Variants in COL19A1 observed in about 807,000 individuals in gnomAD.
COL19A1 encodes collagen alpha-1(XIX) chain.
In COL19A1, 159 loss-of-function variants were observed where a neutral mutation model predicts 190.2. The ratio of observed to expected loss-of-function variants is 0.84; its 90% CI spans 0.73 to 0.95. The LOEUF is 0.95. COL19A1 is among the 40% of genes least tolerant of loss of function. COL19A1 has a pLI of 0.00. For synonymous variants in COL19A1, 509 were observed against 458.9 expected (o/e 1.11, Z -1.39); for missense variants, 1,418 against 1,431.9 (o/e 0.99, Z 0.16).
chr6:69,995,350 TA>T (rs1282281585), intron 11 of COL19A1, among the ~76,000 whole-genome samples: 4 of 152,208 alleles, frequency 2.6e-5, no homozygotes, highest in Non-Finnish European at 4.4e-5. Flanking sequence ...GATCACTATC[TA>T]ATAGTATATT....
At chr6:69,934,298 A>C (rs1772964815) in intron 7 of COL19A1, among the ~76,000 whole-genome samples, 1 of 152,004 alleles carries the variant, frequency 6.6e-6, no homozygotes, top group Non-Finnish European at 1.5e-5. Flanking sequence ...GCCAATCTAC[A>C]GACTTGAAAT....
intron 9 of COL19A1, among the ~76,000 whole-genome samples, chr6:69,950,675 CA>C (rs1399357334): frequency 4.1e-5 from 1 of 24,666 alleles, no homozygotes; most frequent in Non-Finnish European, 6.6e-5. Flanking sequence ...TGAATGCAGC[CA>C]CACACACACA....
chr6:70,181,656 A>AACACAC (rs56362588), intron 44 of COL19A1, among the ~76,000 whole-genome samples: 49,481 of 147,708 alleles, frequency 0.33, 8,330 homozygotes, highest in Middle Eastern at 0.42. Context: ...AGATAAAAAC[A>AACACAC]ACACACACAC....
intron 39 of COL19A1, 80 bp from the exon 40 acceptor site, chr6:70,168,575 C>A: frequency 7.0e-7 from 1 of 1,424,958 alleles, no homozygotes; most frequent in Non-Finnish European, 9.7e-7. Context: ...TGTATTAAGG[C>A]AAATTGGACA....
intron 11 of COL19A1, among the ~76,000 whole-genome samples, chr6:69,985,334 A>C (rs1349608004): frequency 6.6e-6 from 1 of 152,208 alleles, no homozygotes; most frequent in East Asian, 1.9e-4. Context: ...AAGCAGCATC[A>C]TCATTTCTTT....
intron 9 of COL19A1, among the ~76,000 whole-genome samples, chr6:69,943,424 G>T (rs1168228656): frequency 6.6e-6 from 1 of 152,040 alleles, no homozygotes; most frequent in Non-Finnish European, 1.5e-5. Flanking sequence ...GGTCCCATTT[G>T]TCTATTTTTG....
chr6:70,042,440 T>G (rs1225481592), intron 14 of COL19A1, among the ~76,000 whole-genome samples: 1 of 152,230 alleles, frequency 6.6e-6, no homozygotes, highest in East Asian at 1.9e-4. Context: ...TTACACATTT[T>G]AATTAAAAAA....
intron 14 of COL19A1, among the ~76,000 whole-genome samples, chr6:70,039,607 T>C (rs530421888): frequency 1.1e-3 from 161 of 152,306 alleles, no homozygotes; most frequent in African/African-American, 3.6e-3. Flanking sequence ...AGCTGAACAC[T>C]TTTTCCCCCT....
rs550565929 is a variant in COL19A1, at chr6:70,142,179, TG to T, written c.1572+104del. 364 of 1,043,360 alleles carry T rather than the reference TG, an allele frequency of 3.5e-4. 3 individuals are homozygous for T. The South Asian group carries it at 5.0e-3, about 14-fold the overall frequency. The allele number at this position is 1,043,360 out of a possible 1,614,324, so 64.6% of individuals were successfully genotyped here. A position where few individuals can be genotyped will look rare whatever the true frequency, so the allele number is the denominator to read the frequency against. ...GTATGCCACTCATTTTCTTCACAAA[TG>T]CTCTCCAAGACTTTATCCTGTTTCC... On this transcript the variant is annotated intron_variant, in intron 22 of 50. Coordinates refer to ENST00000620364, the MANE Select transcript of COL19A1 (RefSeq NM_001858.6).
intron 31 of COL19A1, 61 bp from the exon 32 acceptor site, chr6:70,156,066 A>T (rs1787409685): frequency 2.0e-6 from 3 of 1,476,782 alleles, no homozygotes; most frequent in African/African-American, 1.4e-5. Context: ...ATCACATGAA[A>T]CCTCACCTTT....
intron 12 of COL19A1, among the ~76,000 whole-genome samples, 164 bp from the exon 13 acceptor site, chr6:70,034,081 A>T (rs1301576120): frequency 1.3e-5 from 2 of 152,178 alleles, no homozygotes; most frequent in Non-Finnish European, 2.9e-5. Context: ...CACGGCACAG[A>T]TGTTGCTTAT....
At chr6:69,869,314 A>T (rs1767675837) in intron 1 of COL19A1, among the ~76,000 whole-genome samples, 1 of 152,224 alleles carries the variant, frequency 6.6e-6, no homozygotes, top group African/African-American at 2.4e-5. Context: ...ACTGGCTAAG[A>T]AGCAATAGGC....
At chr6:69,905,446 G>T (rs1443435368) in intron 4 of COL19A1, among the ~76,000 whole-genome samples, 1 of 152,104 alleles carries the variant, frequency 6.6e-6, no homozygotes, top group East Asian at 1.9e-4. Flanking sequence ...CTCTCTCTGG[G>T]CATGAGTGAG....
intron 11 of COL19A1, among the ~76,000 whole-genome samples, chr6:69,987,321 T>C (rs919075105): frequency 1.1e-4 from 16 of 152,216 alleles, no homozygotes; most frequent in African/African-American, 3.9e-4. Flanking sequence ...AATAACTCTA[T>C]GTCTAAATTT....
chr6:70,125,025 G>A (rs935976173), intron 17 of COL19A1, among the ~76,000 whole-genome samples: 5 of 152,076 alleles, frequency 3.3e-5, no homozygotes, highest in Admixed American at 3.3e-4. Context: ...AGCCAAATGT[G>A]CTATGATGAG....
At chr6:70,052,074 G>A (rs1385170593) in intron 14 of COL19A1, among the ~76,000 whole-genome samples, 2 of 151,870 alleles carry the variant, frequency 1.3e-5, no homozygotes, top group Admixed American at 1.3e-4. Context: ...ATTAATTCAG[G>A]AACATCAACA....
chr6:70,087,484 G>A lies in COL19A1; in HGVS notation c.1225-14685G>A, dbSNP rs796218474. On this transcript the variant is annotated intron_variant, in intron 15 of 50. Transcript: ENST00000620364. Reference sequence around the variant, plus strand: ...GAACTTTAGGAGGTCGGTATGGCTAGAATGGTGAAGGAAGATGAGAGGAGG... The same window carrying A: ...GAACTTTAGGAGGTCGGTATGGCTAAAATGGTGAAGGAAGATGAGAGGAGG... Among the ~76,000 whole-genome samples, 33 of 152,218 alleles carry A rather than the reference G, an allele frequency of 2.2e-4. 1 individual carries two copies. The East Asian group carries it at 6.0e-3, about 28-fold the overall frequency.
At chr6:70,112,561 G>A (rs1346044612) in intron 16 of COL19A1, among the ~76,000 whole-genome samples, 4 of 152,052 alleles carry the variant, frequency 2.6e-5, no homozygotes, top group Non-Finnish European at 4.4e-5. Context: ...CAATAAGGCA[G>A]TGGGCTTTAC....
At chr6:70,003,010 G>A (rs1777368572) in intron 11 of COL19A1, among the ~76,000 whole-genome samples, 1 of 152,066 alleles carries the variant, frequency 6.6e-6, no homozygotes, top group African/African-American at 2.4e-5. Flanking sequence ...GCTGTCTTAT[G>A]TGAGCATTAG....
Sources: allele counts gnomAD v4.1 joint callset (sites outside exome capture counted in the v4.1 genomes callset), GRCh38; gene constraint gnomAD v4.1.1; transcripts MANE v1.5; gene names NCBI Gene and HGNC (gene_info 2026-07-23, HGNC 2026-07-21).